Variants in REV3L observed in about 807,000 individuals in gnomAD.
REV3L encodes REV3 like, DNA directed polymerase zeta catalytic subunit, also known as DNA polymerase zeta catalytic subunit.
In REV3L, 69 loss-of-function variants were observed where a neutral mutation model predicts 299.4. The ratio of observed to expected loss-of-function variants is 0.23; its 90% CI spans 0.19 to 0.28. REV3L has a LOEUF of 0.28. REV3L is among the 10% of genes least tolerant of loss of function. The probability of loss-of-function intolerance (pLI) is 1.00; values close to 1 mark genes in which losing one functional copy is unlikely to be tolerated. For missense variants in REV3L, 3,128 were observed against 3,693.8 expected, an observed-to-expected ratio of 0.85 and a Z score of 3.97; for synonymous variants, 1,238 against 1,271.4, an observed-to-expected ratio of 0.97 and a Z score of 0.56.
intron 2 of REV3L, among the ~76,000 whole-genome samples, chr6:111,415,267 TGA>T (rs1237347711): frequency 6.6e-6 from 1 of 152,024 alleles, no homozygotes; most frequent in Admixed American, 6.6e-5. Flanking sequence ...ATGCCAAATG[TGA>T]GAGAAAATGA....
chr6:111,420,926 G>T (rs1282916664), intron 1 of REV3L, among the ~76,000 whole-genome samples: 1 of 152,108 alleles, frequency 6.6e-6, no homozygotes, highest in East Asian at 1.9e-4. Context: ...AGATCACGAG[G>T]TCAGGAGATC....
Position 111,309,998 on chromosome 6 carries a change from A to G in REV3L, c.8897T>C (p.Val2966Ala). ...GTPGVPLIQL[V>A]RRPVEVLQDP... ...CTGCAGGACTTCCACTGGGCGCCTT[A>G]CAAGCTGGATAAGTGGTACTCCGGG... The change falls in exon 30 of 32, where the codon GTA (valine) becomes GCA (alanine). Residue 2966 changes from valine (V) to alanine (A), a missense_variant. Coordinates refer to ENST00000368802, the MANE Select transcript of REV3L (RefSeq NM_001372078.1). The G allele has an allele frequency of 1.2e-6, 2 of 1,613,946 alleles. No individual in the cohort carries two copies. Among genetic ancestry groups the G allele is most frequent in the South Asian group, 1.1e-5 (1 of 91,050 alleles).
intron 5 of REV3L, chr6:111,392,671 G>A (rs1416518519): frequency 4.7e-6 from 2 of 422,278 alleles, no homozygotes; most frequent in Non-Finnish European, 8.6e-6. Context: ...TGTTAATTAG[G>A]TAATAACTAG....
chr6:111,454,155 C>T (rs74529244), intron 1 of REV3L, among the ~76,000 whole-genome samples: 16,308 of 150,504 alleles, frequency 0.11, 1,162 homozygotes, highest in Middle Eastern at 0.22. Context: ...GTTGTCCAGG[C>T]GGGTCTCAAA....
chr6:111,374,543 C>A lies in REV3L; in HGVS notation c.3812G>T (p.Gly1271Val). 6.2e-7 allele frequency: 1 copy of A among 1,614,024 alleles called. No individual in the cohort carries two copies. The highest frequency in any genetic ancestry group is 8.5e-7 in the Non-Finnish European group (1 of 1,179,944). The change falls in exon 13 of 32, where the codon GGC (glycine) becomes GTC (valine). Residue 1271 changes from glycine (G) to valine (V), a missense_variant. Gly to Val is a moderately radical substitution (Grantham distance 109). Transcript: ENST00000368802. ...AGAAAGGGGATGATCTACAGCAGAGCCCATTAGTGGCATATCTTTCTGTTT... is the reference window on the plus strand; with the variant it reads ...AGAAAGGGGATGATCTACAGCAGAGACCATTAGTGGCATATCTTTCTGTTT... ...LFKQKDMPLM[G>V]SAVDHPLSAS...
At chr6:111,405,355 G>A in intron 4 of REV3L, 115 bp downstream of exon 4, 2 of 626,552 alleles carry the variant, frequency 3.2e-6, no homozygotes, top group Non-Finnish European at 4.8e-6. Context: ...TCATTCTTTA[G>A]TCACTCAACA....
In REV3L at chr6:111,336,706, T is replaced by C. The variant is rs550327909; in HGVS notation, c.7539-1096A>G. Reference sequence around the variant, plus strand: ...TCCAAAAGGAATGAAAGAGGGTATCTACACAAAAAACTATATATCAATGTT... The same window carrying C: ...TCCAAAAGGAATGAAAGAGGGTATCCACACAAAAAACTATATATCAATGTT... On this transcript the variant is annotated intron_variant, in intron 21 of 31. Coordinates refer to ENST00000368802, the MANE Select transcript of REV3L (RefSeq NM_001372078.1). 1.1e-4 allele frequency among the ~76,000 whole-genome samples: 17 copies of C among 152,224 alleles called. No individual in the cohort carries two copies. The South Asian group carries it at 3.1e-3, about 28-fold the overall frequency.
chr6:111,476,463 G>A (rs999946060), intron 1 of REV3L, among the ~76,000 whole-genome samples: 1 of 152,104 alleles, frequency 6.6e-6, no homozygotes, highest in Admixed American at 6.6e-5. Context: ...AGCCTGAAAC[G>A]AAGTTTTGAC....
chr6:111,375,853 T>C lies in REV3L; in HGVS notation c.2502A>G (p.Lys834=), dbSNP rs1220198814. Residue 834 remains lysine, a synonymous_variant, in exon 13 of 32, where the codon AAA becomes AAG. Coordinates refer to ENST00000368802, the MANE Select transcript of REV3L (RefSeq NM_001372078.1). ...GNKPSRLKLN[K]RKLAGHQETS... is the part of the protein sequence containing the mutation. The stretch of plus-strand genomic sequence containing the variant: ...TCTCCTGATGACCTGCAAGTTTCCT[T>C]TTATTCAATTTTAACCGGGATGGTT... 4 of 1,613,608 alleles carry C rather than the reference T, an allele frequency of 2.5e-6. No homozygotes were observed. The highest frequency in any genetic ancestry group is 3.4e-6 in the Non-Finnish European group (4 of 1,179,862).
chr6:111,325,696 G>A (rs1173118967), intron 25 of REV3L, among the ~76,000 whole-genome samples: 4 of 152,162 alleles, frequency 2.6e-5, no homozygotes, highest in Non-Finnish European at 5.9e-5. Context: ...TACATATGAT[G>A]TACACAGGCA....
At chr6:111,351,040 A>G (rs1367552609) in intron 19 of REV3L, among the ~76,000 whole-genome samples, 1 of 152,154 alleles carries the variant, frequency 6.6e-6, no homozygotes, top group Non-Finnish European at 1.5e-5. Context: ...TATAAAGAAA[A>G]CATAGTTTTA....
intron 9 of REV3L, among the ~76,000 whole-genome samples, chr6:111,381,829 T>G (rs983209946): frequency 6.6e-6 from 1 of 152,188 alleles, no homozygotes; most frequent in African/African-American, 2.4e-5. Flanking sequence ...TTAGAATAAA[T>G]GTTTTTGAAC....
At chr6:111,383,489 C>T (rs899527621) in intron 9 of REV3L, among the ~76,000 whole-genome samples, 21 of 152,040 alleles carry the variant, frequency 1.4e-4, no homozygotes, top group African/African-American at 4.8e-4. Flanking sequence ...GAATAAGAAA[C>T]CAAGAAAGTA....
intron 27 of REV3L, among the ~76,000 whole-genome samples, 195 bp from the exon 28 acceptor site, chr6:111,313,684 C>A (rs1410085447): frequency 6.6e-6 from 1 of 152,190 alleles, no homozygotes; most frequent in Non-Finnish European, 1.5e-5. Context: ...ACCACTTGCT[C>A]ACTCCTTTTC....
chr6:111,336,158 T>C (rs907539005), intron 21 of REV3L, among the ~76,000 whole-genome samples: 2 of 152,014 alleles, frequency 1.3e-5, no homozygotes, highest in African/African-American at 4.8e-5. Flanking sequence ...AATAAGTATT[T>C]TTTGTTAAAA....
intron 1 of REV3L, among the ~76,000 whole-genome samples, chr6:111,482,422 G>C (rs993543582): frequency 6.6e-6 from 1 of 152,184 alleles, no homozygotes; most frequent in Non-Finnish European, 1.5e-5. Flanking sequence ...CTGGCCCGCC[G>C]TCCGGGGCGC....
rs1781520969 is a variant in REV3L at position 111,388,085 on chromosome 6, T to C, written c.863A>G (p.Asp288Gly). The change falls in exon 8 of 32, where the codon GAT becomes GGT. Residue 288 changes from aspartate (D) to glycine (G), a missense_variant and splice_region_variant. Asp to Gly is a moderately conservative substitution (Grantham distance 94, BLOSUM62 -1). Coordinates refer to ENST00000368802, the MANE Select transcript of REV3L (RefSeq NM_001372078.1). ...TTCTGTTGCTGGCACAAACCTGTGA[T>C]CTTTGAATTTTAAAAGTGCATTAAA... Reference protein sequence around the residue: ...TSQMSQPESQDHRFVPATESE... With the variant: ...TSQMSQPESQGHRFVPATESE... 4 of 1,598,840 alleles carry C rather than the reference T, an allele frequency of 2.5e-6. No individual in the cohort carries two copies. Among genetic ancestry groups the C allele is most frequent in the Non-Finnish European group, 3.4e-6 (4 of 1,172,196 alleles).
chr6:111,358,118 T>C (rs563457618), intron 17 of REV3L, among the ~76,000 whole-genome samples: 2 of 152,326 alleles, frequency 1.3e-5, no homozygotes, highest in African/African-American at 2.4e-5. Flanking sequence ...AGAGGGACAG[T>C]AGGTATTTTA....
At chr6:111,351,917 A>G (rs1193794214) in intron 18 of REV3L, 126 bp from the exon 19 acceptor site, 2 of 580,818 alleles carry the variant, frequency 3.4e-6, no homozygotes, top group Non-Finnish European at 3.0e-6. Flanking sequence ...GCCCAGATGG[A>G]GAAGGGATGA....
Sources: allele counts gnomAD v4.1 joint callset (sites outside exome capture counted in the v4.1 genomes callset), GRCh38; gene constraint gnomAD v4.1.1; transcripts MANE v1.5; gene names NCBI Gene and HGNC (gene_info 2026-07-23, HGNC 2026-07-21).